The following CCBE1 variants were observed in gnomAD, a reference collection of about 807,000 sequenced individuals.
CCBE1 encodes collagen and calcium-binding EGF domain-containing protein 1.
In CCBE1, 37 loss-of-function variants were observed where a neutral mutation model predicts 50.0. That is an observed-to-expected ratio of 0.74 (90% CI 0.57 to 0.97). CCBE1 has a LOEUF of 0.97. Among genes scored for constraint, CCBE1 ranks in the 50% least tolerant of loss-of-function variants. The pLI, the probability that CCBE1 is intolerant of heterozygous loss-of-function variation, is 0.00. For synonymous variants in CCBE1, 234 were observed against 203.7 expected, an observed-to-expected ratio of 1.15 and a Z score of -1.27; for missense variants, 538 against 523.8, an observed-to-expected ratio of 1.03 and a Z score of -0.26.
chr18:59,622,442 T>C (rs1043026276), intron 2 of CCBE1, among the ~76,000 whole-genome samples: 1 of 151,364 alleles, frequency 6.6e-6, no homozygotes, highest in Non-Finnish European at 1.5e-5. Context: ...AGGCAGAGCT[T>C]GCAGTGAGCT....
intron 2 of CCBE1, among the ~76,000 whole-genome samples, chr18:59,580,851 G>A (rs773273089): frequency 4.6e-5 from 7 of 152,206 alleles, no homozygotes; most frequent in Non-Finnish European, 1.0e-4. Context: ...ACTAGAGAAT[G>A]CTGAAGTGGC....
intron 2 of CCBE1, among the ~76,000 whole-genome samples, chr18:59,623,675 G>A (rs752402655): frequency 1.6e-4 from 24 of 152,138 alleles, no homozygotes; most frequent in Admixed American, 3.3e-4. Flanking sequence ...CAGTACAAAA[G>A]CAAGGGGTTG....
chr18:59,461,035 G>A (rs1911448120), intron 5 of CCBE1, among the ~76,000 whole-genome samples: 2 of 151,988 alleles, frequency 1.3e-5, no homozygotes, highest in African/African-American at 4.8e-5. Context: ...CTTATGCTAA[G>A]TCATACCAAA....
At chr18:59,567,972 C>T (rs896077867) in intron 2 of CCBE1, among the ~76,000 whole-genome samples, 2 of 152,146 alleles carry the variant, frequency 1.3e-5, no homozygotes, top group Non-Finnish European at 2.9e-5. Context: ...TTTCTTCTTG[C>T]TCATAGATTT....
intron 2 of CCBE1, among the ~76,000 whole-genome samples, chr18:59,672,829 A>G (rs1240780647): frequency 6.6e-6 from 1 of 152,226 alleles, no homozygotes; most frequent in Non-Finnish European, 1.5e-5. Flanking sequence ...ATGCAAAGGC[A>G]TAAGACTTTG....
intron 2 of CCBE1, among the ~76,000 whole-genome samples, chr18:59,674,974 TTTC>T (rs1318219349): frequency 2.0e-5 from 3 of 152,238 alleles, no homozygotes; most frequent in African/African-American, 7.2e-5. Context: ...TCAAAAGTCT[TTTC>T]TTCTTCTGTT....
chr18:59,614,189 G>T (rs2053608544), intron 2 of CCBE1, among the ~76,000 whole-genome samples: 1 of 152,120 alleles, frequency 6.6e-6, no homozygotes, highest in Non-Finnish European at 1.5e-5. Flanking sequence ...TATTTTGGTA[G>T]AGACAGGGTT....
At chr18:59,445,278 C>T (rs1363082369) in intron 7 of CCBE1, among the ~76,000 whole-genome samples, 1 of 152,046 alleles carries the variant, frequency 6.6e-6, no homozygotes, top group African/African-American at 2.4e-5. Context: ...GTGTTTTAAC[C>T]CATTTTAGAT....
intron 2 of CCBE1, among the ~76,000 whole-genome samples, chr18:59,624,324 G>A (rs1208193433): frequency 1.3e-5 from 2 of 152,214 alleles, no homozygotes; most frequent in Non-Finnish European, 2.9e-5. Context: ...TTGGGACTCT[G>A]CTGCAAATGC....
At chr18:59,565,966 C>T (rs369992268) in intron 2 of CCBE1, among the ~76,000 whole-genome samples, 4 of 152,116 alleles carry the variant, frequency 2.6e-5, no homozygotes, top group African/African-American at 4.8e-5. Context: ...CCAAAGACCC[C>T]GAGTCACTAC....
intron 2 of CCBE1, among the ~76,000 whole-genome samples, chr18:59,525,031 G>T (rs1914762643): frequency 6.6e-6 from 1 of 151,904 alleles, no homozygotes; most frequent in Non-Finnish European, 1.5e-5. Context: ...GTGCTGTAAT[G>T]AACATACATG....
intron 2 of CCBE1, among the ~76,000 whole-genome samples, chr18:59,648,797 A>G (rs989500074): frequency 1.3e-5 from 2 of 152,230 alleles, no homozygotes; most frequent in Non-Finnish European, 1.5e-5. Context: ...AGCCTGCACC[A>G]CAGCCCAGAC....
intron 2 of CCBE1, among the ~76,000 whole-genome samples, chr18:59,560,171 A>T (rs1170844566): frequency 6.6e-6 from 1 of 152,222 alleles, no homozygotes; most frequent in Non-Finnish European, 1.5e-5. Flanking sequence ...ACAGGTAGTT[A>T]GCCAGGGATG....
intron 2 of CCBE1, among the ~76,000 whole-genome samples, chr18:59,562,454 C>A (rs189960629): frequency 6.6e-6 from 1 of 151,412 alleles, no homozygotes; most frequent in Non-Finnish European, 1.5e-5. Context: ...AGACAACAGA[C>A]CTTGTGGCTC....
intron 2 of CCBE1, among the ~76,000 whole-genome samples, chr18:59,585,150 G>T (rs1319066643): frequency 6.6e-6 from 1 of 151,800 alleles, no homozygotes; most frequent in Non-Finnish European, 1.5e-5. Flanking sequence ...CCTTCAACAT[G>T]TTCCCTCAAT....
chr18:59,545,344 T>C (rs1291509778), intron 2 of CCBE1, among the ~76,000 whole-genome samples: 2 of 146,458 alleles, frequency 1.4e-5, no homozygotes, highest in African/African-American at 4.9e-5. Context: ...GTATGCACTC[T>C]CAACACAATT....
In CCBE1 at chr18:59,435,606, T is replaced by C. The variant is rs991743220; in HGVS notation, c.*302A>G. ...TTTATGATTTAAGACACTGTGAGAGTACTTAAATCCAAAGTTCCTGGAAAA... is the reference window on the plus strand; with the variant it reads ...TTTATGATTTAAGACACTGTGAGAGCACTTAAATCCAAAGTTCCTGGAAAA... On this transcript the variant is annotated 3_prime_UTR_variant, in exon 11 of 11. Transcript: ENST00000439986. The C allele has an allele frequency of 9.0e-5, 39 of 434,232 alleles. No individual in the cohort carries two copies. The highest frequency in any genetic ancestry group is 1.4e-4 in the Non-Finnish European group (32 of 235,192). The allele number at this position is 434,232 out of a possible 1,614,324, so 26.9% of individuals were successfully genotyped here. A position where few individuals can be genotyped will look rare whatever the true frequency, so the allele number is the denominator to read the frequency against.
chr18:59,594,354 A>G (rs754041018), intron 2 of CCBE1, among the ~76,000 whole-genome samples: 4 of 152,248 alleles, frequency 2.6e-5, no homozygotes, highest in Non-Finnish European at 5.9e-5. Context: ...TCAAATTCAG[A>G]GAGACAGAAA....
At chr18:59,683,145 C>A (rs976202710) in intron 2 of CCBE1, among the ~76,000 whole-genome samples, 1 of 152,122 alleles carries the variant, frequency 6.6e-6, no homozygotes, top group African/African-American at 2.4e-5. Flanking sequence ...GGATCCAAAC[C>A]CCTGAATATT....
Sources: gnomAD v4.1 joint callset for allele counts (sites outside exome capture counted in the v4.1 genomes callset) on GRCh38, gnomAD v4.1.1 for gene constraint, MANE v1.5 for transcripts, NCBI Gene and HGNC (gene_info 2026-07-23, HGNC 2026-07-21) for gene names.